The following CRYAB variants were observed in gnomAD, a reference collection of about 807,000 sequenced individuals.
CRYAB encodes the protein alpha-crystallin B chain.
CRYAB carries 9 observed loss-of-function variants against 12.7 expected under a neutral mutation model. The observed-to-expected ratio is 0.71, with a 90% CI of 0.43 to 1.24. The LOEUF (loss-of-function observed/expected upper bound fraction) is 1.24. CRYAB is among the 50% of genes most tolerant of loss of function. The probability of loss-of-function intolerance (pLI) is 0.00; values close to 1 mark genes in which losing one functional copy is unlikely to be tolerated. For synonymous variants in CRYAB, 93 were observed against 86.8 expected (o/e 1.07, Z -0.40); for missense variants, 183 against 226.6 (o/e 0.81, Z 1.24).
At chr11:111,919,018 A>C in intron 1 of CRYAB, 16 of 1,614,096 alleles carry the variant, frequency 9.9e-6, no homozygotes, top group Non-Finnish European at 8.5e-6. Context: ...AGTAGGCTGG[A>C]AGGGCAAAGG....
In CRYAB at chr11:111,911,558, C is replaced by G. The variant is rs781986102; in HGVS notation, c.167G>C (p.Arg56Pro). The part of the protein sequence containing the change: ...PFYLRPPSFL[R>P]APSWFDTGLS... ...TCCAGTGTCAAACCAGCTGGGTGCC[C>G]GCAGGAAGGAGGGTGGCCGAAGGTA... The change falls in exon 1 of 3, where the codon CGG (arginine) becomes CCG (proline). Residue 56 changes from arginine to proline, a missense_variant. Arg to Pro is a moderately radical substitution (Grantham distance 103). Coordinates refer to ENST00000650687, the MANE Select transcript of CRYAB (RefSeq NM_001289808.2). The G allele has an allele frequency of 1.2e-6, 2 of 1,612,694 alleles. No individual in the cohort carries two copies. Among genetic ancestry groups the G allele is most frequent in the Non-Finnish European group, 1.7e-6 (2 of 1,179,628 alleles).
At chr11:111,909,187 A>C (rs1555165294) in intron 2 of CRYAB, 5 of 637,524 alleles carry the variant, frequency 7.8e-6, no homozygotes, top group Admixed American at 2.1e-5. Context: ...ACAGTCCAAC[A>C]CTTCATTGTT....
At chr11:111,910,831 A>C in intron 1 of CRYAB, 2 of 329,228 alleles carry the variant, frequency 6.1e-6, no homozygotes, top group Non-Finnish European at 1.2e-5. Context: ...TTTTCCACCC[A>C]CCCAATCTGG....
At chr11:111,912,540 G>C (rs1432095877), upstream of CRYAB, 1 of 485,076 alleles carries the variant, frequency 2.1e-6, no homozygotes, top group Non-Finnish European at 3.7e-6. Flanking sequence ...CCCCTCCCCA[G>C]CTCGTTCCCA....
intron 1 of CRYAB, chr11:111,918,890 G>A (rs1965639219): frequency 4.5e-6 from 7 of 1,545,032 alleles, no homozygotes; most frequent in Non-Finnish European, 5.4e-6. Context: ...GGGAGCTGCC[G>A]CGGAAAGCTC....
upstream of CRYAB, chr11:111,913,086 C>T: frequency 1.6e-6 from 1 of 638,238 alleles, no homozygotes. Context: ...AAGCAGAGAT[C>T]TTTCCCATTC....
chr11:111,913,408 C>T (rs1965533645), upstream of CRYAB: 2 of 1,534,430 alleles, frequency 1.3e-6, no homozygotes, highest in South Asian at 1.2e-5. Context: ...CATCCTCCCT[C>T]ATCCTGCCTC....
upstream of CRYAB, chr11:111,912,728 C>T: frequency 1.2e-6 from 1 of 867,272 alleles, no homozygotes; most frequent in Non-Finnish European, 1.8e-6. Flanking sequence ...TCGACCCCGC[C>T]CCCACCTCCT....
chr11:111,918,935 G>T, intron 1 of CRYAB: 1 of 1,613,744 alleles, frequency 6.2e-7, no homozygotes, highest in Non-Finnish European at 8.5e-7. Flanking sequence ...GCCTCTTGAT[G>T]CATAAAAACA....
chr11:111,913,947 T>G, upstream of CRYAB: 1 of 1,476,710 alleles, frequency 6.8e-7, no homozygotes, highest in South Asian at 1.3e-5. Context: ...CAAGGTGATA[T>G]GGGCAGCTGC....
upstream of CRYAB, chr11:111,912,695 G>C: frequency 3.7e-6 from 2 of 545,258 alleles, no homozygotes; most frequent in Non-Finnish European, 6.4e-6. Context: ...CCCCCAAGAG[G>C]CTCGGCACTA....
chr11:111,912,461 T>G, upstream of CRYAB: 1 of 314,970 alleles, frequency 3.2e-6, no homozygotes, highest in South Asian at 5.2e-5. Flanking sequence ...GAAAATGAGG[T>G]GTGGAAACGT....
chr11:111,916,350 C>T (rs1465946678), upstream of CRYAB, among the ~76,000 whole-genome samples: 3 of 152,046 alleles, frequency 2.0e-5, no homozygotes, highest in African/African-American at 7.2e-5. Context: ...CCCACCTCAA[C>T]CTCCTGAGTA....
upstream of CRYAB, chr11:111,911,776 C>G: frequency 8.3e-7 from 1 of 1,202,728 alleles, no homozygotes; most frequent in Non-Finnish European, 1.2e-6. Flanking sequence ...CCTTCAGCTG[C>G]AGCTACAGCC....
At chr11:111,916,814 T>C (rs1965603844), upstream of CRYAB, among the ~76,000 whole-genome samples, 1 of 152,122 alleles carries the variant, frequency 6.6e-6, no homozygotes, top group Non-Finnish European at 1.5e-5. Flanking sequence ...CATCTAAAAA[T>C]CCCTTAGGTG....
upstream of CRYAB, chr11:111,913,649 C>T (rs587694964): frequency 3.7e-6 from 6 of 1,614,154 alleles, no homozygotes; most frequent in African/African-American, 4.0e-5. Context: ...AGGTGTCTGC[C>T]CGGCACCCCC....
At chr11:111,912,688 C>CCCCCCA, upstream of CRYAB, 1 of 533,978 alleles carries the variant, frequency 1.9e-6, no homozygotes. Flanking sequence ...CCCTCCCCCC[C>CCCCCCA]CAAGAGGCTC....
chr11:111,915,038 C>A (rs1038469904), upstream of CRYAB, among the ~76,000 whole-genome samples: 1 of 152,096 alleles, frequency 6.6e-6, no homozygotes, highest in Non-Finnish European at 1.5e-5. Flanking sequence ...CCACTGCACT[C>A]CAGCCTGGGT....
chr11:111,915,874 C>T (rs946617417), upstream of CRYAB, among the ~76,000 whole-genome samples: 3 of 152,140 alleles, frequency 2.0e-5, no homozygotes, highest in African/African-American at 7.2e-5. Flanking sequence ...TCCTGAGTAG[C>T]TGGGACTACA....
Sources: gnomAD v4.1 joint callset for allele counts (sites outside exome capture counted in the v4.1 genomes callset) on GRCh38, gnomAD v4.1.1 for gene constraint, MANE v1.5 for transcripts, NCBI Gene and HGNC (gene_info 2026-07-23, HGNC 2026-07-21) for gene names.